WWP1: variants seen among roughly 807,000 people sequenced by gnomAD.
WWP1 encodes the protein NEDD4-like E3 ubiquitin-protein ligase WWP1.
In WWP1, 49 loss-of-function variants were observed where a neutral mutation model predicts 130.6. The observed-to-expected ratio is 0.38, with a 90% CI of 0.30 to 0.48. WWP1 has a LOEUF of 0.48. WWP1 is among the 20% of genes least tolerant of loss of function. The probability of loss-of-function intolerance (pLI) is 0.99; values close to 1 mark genes in which losing one functional copy is unlikely to be tolerated. For synonymous variants in WWP1, 332 were observed against 367.8 expected (o/e 0.90, Z 1.11); for missense variants, 809 against 1,100.6 (o/e 0.74, Z 3.75).
At chr8:86,434,846 A>G (rs1298994748) in intron 14 of WWP1, among the ~76,000 whole-genome samples, 1 of 152,178 alleles carries the variant, frequency 6.6e-6, no homozygotes, top group Non-Finnish European at 1.5e-5. Context: ...GTGTTCCTTA[A>G]CATTATGAAA....
At chr8:86,383,834 C>T (rs1341665996) in intron 5 of WWP1, among the ~76,000 whole-genome samples, 2 of 152,258 alleles carry the variant, frequency 1.3e-5, no homozygotes, top group Non-Finnish European at 2.9e-5. Flanking sequence ...TTAATAAACA[C>T]TCATACAGTC....
rs72688584 is a variant in WWP1, at chr8:86,388,383, G to A, written c.334+6754G>A. Among the ~76,000 whole-genome samples the A allele has an allele frequency of 2.9e-3, 445 of 152,116 alleles. 1 individual carries two copies. Among genetic ancestry groups the A allele is most frequent in the Non-Finnish European group, 4.9e-3 (335 of 67,994 alleles). Reference sequence around the variant, plus strand: ...GATCCTCCCACCACAGTCTTCTGAGGCCACTACGCTTGGCTAGGTTGTCTT... The same window carrying A: ...GATCCTCCCACCACAGTCTTCTGAGACCACTACGCTTGGCTAGGTTGTCTT... On this transcript the variant is annotated intron_variant, in intron 5 of 24. Coordinates refer to ENST00000517970, the MANE Select transcript of WWP1 (RefSeq NM_007013.4).
chr8:86,356,125 T>C (rs1005754237), intron 1 of WWP1, among the ~76,000 whole-genome samples: 8 of 149,296 alleles, frequency 5.4e-5, no homozygotes, highest in Non-Finnish European at 1.2e-4. Context: ...TTTGCTGCTG[T>C]TGTTATATTT....
At position 86,424,700 on chromosome 8, in the gene WWP1, C is replaced by T. The variant is rs184064055; in HGVS notation, c.1062-523C>T. Among the ~76,000 whole-genome samples the T allele has an allele frequency of 2.7e-3, 416 of 151,488 alleles. 6 individuals carry two copies. The highest frequency in any genetic ancestry group is 0.024 in the Admixed American group (359 of 15,210). ...CACGACTGCAATCGCAGGCACTCGG[C>T]AGGCTGAGGCGGGAGAATCAGGCAG... On this transcript the variant is annotated intron_variant, in intron 9 of 24. Coordinates refer to ENST00000517970, the MANE Select transcript of WWP1 (RefSeq NM_007013.4).
chr8:86,426,226 T>A (rs557661929), intron 10 of WWP1, among the ~76,000 whole-genome samples: 3 of 152,332 alleles, frequency 2.0e-5, no homozygotes, highest in Non-Finnish European at 4.4e-5. Flanking sequence ...TAGTCATTCA[T>A]TTAGTCCATT....
intron 24 of WWP1, among the ~76,000 whole-genome samples, chr8:86,466,058 A>T (rs557400602): frequency 6.6e-6 from 1 of 152,310 alleles, no homozygotes; most frequent in South Asian, 2.1e-4. Context: ...GGGCTATCTC[A>T]CTAGTCACTG....
At chr8:86,447,989 C>G (rs920643570) in intron 18 of WWP1, among the ~76,000 whole-genome samples, 159 bp from the exon 19 acceptor site, 7 of 151,920 alleles carry the variant, frequency 4.6e-5, no homozygotes, top group African/African-American at 1.7e-4. Context: ...TTTTTCATAC[C>G]TAGCATTTTA....
rs552122910 is a variant in WWP1 at position 86,402,306 on chromosome 8, G to A, written c.724+103G>A. Reference sequence around the variant, plus strand: ...CCTTTTTGTGTAGTCTTTTTTTTGAGACGGAGTCTCGCTCTGTCACCCAGG... The same window carrying A: ...CCTTTTTGTGTAGTCTTTTTTTTGAAACGGAGTCTCGCTCTGTCACCCAGG... On this transcript the variant is annotated intron_variant, in intron 8 of 24. Transcript: ENST00000517970. The A allele has an allele frequency of 1.1e-4, 149 of 1,383,854 alleles. No individual in the cohort carries two copies. In the East Asian group the frequency reaches 3.2e-3, roughly 29 times the overall value. The allele number at this position is 1,383,854 out of a possible 1,614,324, so 85.7% of individuals were successfully genotyped here.
In WWP1 at chr8:86,448,511, T is replaced by G; in HGVS notation, c.2271T>G (p.Ile757Met). ...CTGAGGAGAACAAAGATGAATATAT[T>G]GGGTAAGGTGATATACCTTATTAAG... ...LVTEENKDEYIGLMTEWRFSR... is the reference protein window; with the variant it reads ...LVTEENKDEYMGLMTEWRFSR... The change falls in exon 20 of 25, where the codon ATT (isoleucine) becomes ATG (methionine). Residue 757 changes from isoleucine (I) to methionine (M), a missense_variant and splice_region_variant. Physicochemically the swap from Ile to Met is conservative, Grantham distance 10 (BLOSUM62 1). Transcript: ENST00000517970. The G allele has an allele frequency of 6.2e-7, 1 of 1,613,090 alleles. No individual in the cohort carries two copies. Among genetic ancestry groups the G allele is most frequent in the Non-Finnish European group, 8.5e-7 (1 of 1,179,634 alleles).
intron 21 of WWP1, among the ~76,000 whole-genome samples, chr8:86,457,465 A>C (rs1353393991): frequency 6.6e-6 from 1 of 151,924 alleles, no homozygotes; most frequent in East Asian, 1.9e-4. Context: ...CTAGATATAA[A>C]TCTATATATA....
At chr8:86,438,729 G>T in intron 17 of WWP1, 56 bp downstream of exon 17, 1 of 1,377,002 alleles carries the variant, frequency 7.3e-7, no homozygotes, top group Non-Finnish European at 9.9e-7. Context: ...TGTATACAGG[G>T]AAAGTATTCT....
chr8:86,419,094 C>A (rs1382073406), intron 9 of WWP1, among the ~76,000 whole-genome samples: 8 of 151,968 alleles, frequency 5.3e-5, no homozygotes, highest in African/African-American at 1.9e-4. Flanking sequence ...AGATAGAGAT[C>A]AAAAAAACAA....
chr8:86,347,596 T>C lies in WWP1; in HGVS notation c.-115+4666T>C, dbSNP rs549583399. On this transcript the variant is annotated intron_variant, in intron 1 of 24. Transcript: ENST00000517970. ...AATGGTAATCTCACTGCAGTGGCTA[T>C]TGGTAGGTGATATTTAAATTTGTAA... 1.8e-4 allele frequency among the ~76,000 whole-genome samples: 27 copies of C among 152,354 alleles called. No individual in the cohort carries two copies. In the East Asian group the frequency reaches 1.9e-3, roughly 11 times the overall value.
At chr8:86,390,721 G>A (rs954827276) in intron 5 of WWP1, among the ~76,000 whole-genome samples, 24 of 151,472 alleles carry the variant, frequency 1.6e-4, no homozygotes, top group African/African-American at 4.9e-4. Context: ...AGAGGGGGAG[G>A]GAGAGGGGGA....
chr8:86,399,816 C>A (rs767767874), intron 7 of WWP1, among the ~76,000 whole-genome samples: 5 of 152,104 alleles, frequency 3.3e-5, no homozygotes, highest in Non-Finnish European at 5.9e-5. Context: ...TGCTGGTTGG[C>A]TGGGGAGGGG....
At chr8:86,448,886 C>T (rs548763001) in intron 20 of WWP1, among the ~76,000 whole-genome samples, 1 of 152,254 alleles carries the variant, frequency 6.6e-6, no homozygotes, top group African/African-American at 2.4e-5. Flanking sequence ...CTCAGGCCGT[C>T]GTAGTGGCGT....
chr8:86,354,124 A>G (rs1438514479), intron 1 of WWP1, among the ~76,000 whole-genome samples: 1 of 152,238 alleles, frequency 6.6e-6, no homozygotes, highest in Non-Finnish European at 1.5e-5. Flanking sequence ...CTTCAGATTA[A>G]GCCCTAGTTT....
Position 86,394,823 on chromosome 8 carries a change from G to T in WWP1, c.335-3519G>T, listed in dbSNP as rs533627447. On this transcript the variant is annotated intron_variant, in intron 5 of 24. Coordinates refer to ENST00000517970, the MANE Select transcript of WWP1 (RefSeq NM_007013.4). ...CTCAATCTTCCATGTTCAGAATTGT[G>T]AAATAATATATACTGTAAACACCCT... Among the ~76,000 whole-genome samples the T allele has an allele frequency of 3.7e-4, 56 of 150,134 alleles. No homozygotes were observed. In the South Asian group the frequency reaches 0.011, roughly 29 times the overall value.
rs1203902690 is a variant in WWP1 at position 86,342,658 on chromosome 8, G to A, written c.-387G>A. The A allele has an allele frequency of 7.1e-6, 2 of 281,278 alleles. No homozygotes were observed. Among genetic ancestry groups the A allele is most frequent in the Non-Finnish European group, 1.3e-5 (2 of 153,602 alleles). The allele number at this position is 281,278 out of a possible 1,614,324, so 17.4% of individuals were successfully genotyped here. A position where few individuals can be genotyped will look rare whatever the true frequency, so the allele number is the denominator to read the frequency against. ...GGCGCCGGCGACGCGGCCACGCGGC[G>A]CGCTCCCGAGGAAGGGAGGTGTGGG... On this transcript the variant is annotated 5_prime_UTR_variant, in exon 1 of 25. Coordinates refer to ENST00000517970, the MANE Select transcript of WWP1 (RefSeq NM_007013.4).
Sources: allele counts gnomAD v4.1 joint callset (sites outside exome capture counted in the v4.1 genomes callset), GRCh38; gene constraint gnomAD v4.1.1; transcripts MANE v1.5; gene names NCBI Gene and HGNC (gene_info 2026-07-23, HGNC 2026-07-21).